MACC1: variants seen among roughly 807,000 people sequenced by gnomAD.
The protein encoded by MACC1 is MET transcriptional regulator MACC1.
A neutral mutation model predicts 70.7 loss-of-function variants in MACC1; 79 were observed. The ratio of observed to expected loss-of-function variants is 1.12; its 90% CI spans 0.93 to 1.35. The LOEUF (loss-of-function observed/expected upper bound fraction) is 1.35. MACC1 is among the 40% of genes most tolerant of loss of function. The probability of loss-of-function intolerance (pLI) is 0.00; values close to 1 mark genes in which losing one functional copy is unlikely to be tolerated. For missense variants in MACC1, 1,106 were observed against 978.1 expected, an observed-to-expected ratio of 1.13 and a Z score of -1.74; for synonymous variants, 361 against 347.2, an observed-to-expected ratio of 1.04 and a Z score of -0.44.
At chr7:20,178,296 CACT>C (rs1562593264) in intron 1 of MACC1, among the ~76,000 whole-genome samples, 50 of 42,666 alleles carry the variant, frequency 1.2e-3, no homozygotes, top group African/African-American at 9.9e-3. Context: ...CACACACACA[CACT>C]CCAGAGAATA....
At chr7:20,175,714 G>A (rs953760182) in intron 1 of MACC1, among the ~76,000 whole-genome samples, 3 of 152,004 alleles carry the variant, frequency 2.0e-5, no homozygotes, top group African/African-American at 7.2e-5. Flanking sequence ...CTTGAAAGCA[G>A]GCTTTTCTTC....
rs1323617568 is a variant in MACC1 at position 20,142,668 on chromosome 7, G to A, written c.2347-1510C>T. Reference sequence around the variant, plus strand: ...TTCTCAACAATGGAATATCAGTTGAGACATAGTAATGGAACCTTTTTTGTC... The same window carrying A: ...TTCTCAACAATGGAATATCAGTTGAAACATAGTAATGGAACCTTTTTTGTC... On this transcript the variant is annotated intron_variant, in intron 6 of 6. Transcript: ENST00000400331. Among the ~76,000 whole-genome samples the A allele has an allele frequency of 2.6e-5, 4 of 152,212 alleles. 1 individual carries two copies. Among genetic ancestry groups the A allele is most frequent in the South Asian group, 4.1e-4 (2 of 4,830 alleles).
chr7:20,185,809 C>G (rs952844490), intron 1 of MACC1, among the ~76,000 whole-genome samples: 10 of 152,184 alleles, frequency 6.6e-5, no homozygotes, highest in African/African-American at 2.2e-4. Flanking sequence ...TCCTCTAACC[C>G]TCACAGTAAT....
Position 20,148,624 on chromosome 7 carries a change from A to G in MACC1, c.2346+5569T>C, listed in dbSNP as rs75771069. On this transcript the variant is annotated intron_variant, in intron 6 of 6. Transcript: ENST00000400331. ...ATAATATAGAATTAAGTCAAAGATC[A>G]TAGGAATACAATGTGTTACCCCAGA... Among the ~76,000 whole-genome samples the G allele has an allele frequency of 6.1e-3, 925 of 152,330 alleles. 10 individuals carry two copies. The highest frequency in any genetic ancestry group is 0.021 in the African/African-American group (871 of 41,572).
chr7:20,146,012 T>C (rs933149879), intron 6 of MACC1, among the ~76,000 whole-genome samples: 6 of 151,780 alleles, frequency 4.0e-5, no homozygotes, highest in African/African-American at 1.5e-4. Flanking sequence ...AATACAAAAA[T>C]TAGTGAGGCG....
chr7:20,205,079 A>T (rs1359309210), intron 1 of MACC1, among the ~76,000 whole-genome samples: 3 of 149,296 alleles, frequency 2.0e-5, no homozygotes, highest in African/African-American at 7.8e-5. Context: ...GGATATTAAT[A>T]CAATTTTTTT....
Position 20,161,772 on chromosome 7 carries a change from G to A in MACC1, c.91C>T (p.Leu31Phe). Residue 31 changes from leucine (L) to phenylalanine (F), a missense_variant, in exon 4 of 7, where the codon CTC (leucine) becomes TTC (phenylalanine). Coordinates refer to ENST00000400331, the MANE Select transcript of MACC1 (RefSeq NM_182762.4). The stretch of plus-strand genomic sequence containing the variant: ...CCTGTAATATTGCAACTTTTTGAGA[G>A]TTTTCCAGCTTCCATGTCAATCAAA... ...ANLIDMEAGK[L>F]SKSCNITECQ... The A allele has an allele frequency of 6.2e-7, 1 of 1,611,226 alleles. No homozygotes were observed. The highest frequency in any genetic ancestry group is 1.7e-4 in the Middle Eastern group (1 of 6,046).
rs79691446 is a variant in MACC1 at position 20,185,793 on chromosome 7, A to G, written c.-217-15015T>C. Among the ~76,000 whole-genome samples the G allele has an allele frequency of 7.4e-3, 1,131 of 152,300 alleles. 28 individuals carry two copies. The highest frequency in any genetic ancestry group is 0.039 in the East Asian group (202 of 5,184). ...GCAGGCTTCTAAATGCATGGTATCTATTATCTCCTCTAACCCTCACAGTAA... is the reference window on the plus strand; with the variant it reads ...GCAGGCTTCTAAATGCATGGTATCTGTTATCTCCTCTAACCCTCACAGTAA... On this transcript the variant is annotated intron_variant, in intron 1 of 6. Coordinates refer to ENST00000400331, the MANE Select transcript of MACC1 (RefSeq NM_182762.4).
At chr7:20,142,995 T>C (rs1488163028) in intron 6 of MACC1, among the ~76,000 whole-genome samples, 1 of 152,236 alleles carries the variant, frequency 6.6e-6, no homozygotes, top group Non-Finnish European at 1.5e-5. Context: ...AAAAAGGGGA[T>C]GGCATAGTAG....
At chr7:20,208,905 C>T (rs747049809) in intron 1 of MACC1, among the ~76,000 whole-genome samples, 4 of 152,226 alleles carry the variant, frequency 2.6e-5, no homozygotes, top group Non-Finnish European at 5.9e-5. Flanking sequence ...AGCTGCTTCA[C>T]CTCCAGTCAT....
At chr7:20,203,982 T>A (rs1782871229) in intron 1 of MACC1, among the ~76,000 whole-genome samples, 1 of 152,222 alleles carries the variant, frequency 6.6e-6, no homozygotes, top group Non-Finnish European at 1.5e-5. Flanking sequence ...CCAGACATGT[T>A]TCCATTTGCA....
Position 20,175,478 on chromosome 7 carries a change from T to C in MACC1, c.-217-4700A>G, listed in dbSNP as rs867378173. Among the ~76,000 whole-genome samples the C allele has an allele frequency of 1.7e-3, 256 of 152,250 alleles. 3 individuals carry two copies. Among genetic ancestry groups the C allele is most frequent in the African/African-American group, 1.5e-3 (61 of 41,576 alleles). Reference sequence around the variant, plus strand: ...AACATAAAAAAACACTTATAGGTTATTTTCAAAGATATCTGCATCTAATAT... The same window carrying C: ...AACATAAAAAAACACTTATAGGTTACTTTCAAAGATATCTGCATCTAATAT... On this transcript the variant is annotated intron_variant, in intron 1 of 6. Transcript: ENST00000400331.
intron 6 of MACC1, 86 bp downstream of exon 6, chr7:20,154,107 T>A (rs1782020286): frequency 7.3e-7 from 1 of 1,376,890 alleles, no homozygotes; most frequent in African/African-American, 1.4e-5. Flanking sequence ...CCCCAGTGAA[T>A]CCGTGAATGT....
chr7:20,177,720 G>A (rs1304171652), intron 1 of MACC1, among the ~76,000 whole-genome samples: 1 of 88,218 alleles, frequency 1.1e-5, no homozygotes, highest in African/African-American at 5.1e-5. Flanking sequence ...AGCTGCCTTT[G>A]TTGTTTTTTT....
In MACC1 at chr7:20,191,805, C is replaced by G. The variant is rs1178493166; in HGVS notation, c.-217-21027G>C. ...TCTGTGCGGTATCAGAAACCTACAA[C>G]ACATAAAAGAAGAACACAGGACAGA... On this transcript the variant is annotated intron_variant, in intron 1 of 6. Coordinates refer to ENST00000400331, the MANE Select transcript of MACC1 (RefSeq NM_182762.4). Among the ~76,000 whole-genome samples, 4 of 152,168 alleles carry G rather than the reference C, an allele frequency of 2.6e-5. No individual in the cohort carries two copies. The East Asian group carries it at 7.7e-4, about 29-fold the overall frequency.
At chr7:20,186,145 G>C (rs1048880854) in intron 1 of MACC1, among the ~76,000 whole-genome samples, 16 of 152,146 alleles carry the variant, frequency 1.1e-4, no homozygotes, top group African/African-American at 3.9e-4. Context: ...CTAGCTTCTT[G>C]GCTGCACAAG....
At chr7:20,167,841 A>G (rs1179824633) in intron 2 of MACC1, among the ~76,000 whole-genome samples, 1 of 152,120 alleles carries the variant, frequency 6.6e-6, no homozygotes, top group African/African-American at 2.4e-5. Flanking sequence ...TGCTTGGTGT[A>G]ATGCTCTGCC....
intron 1 of MACC1, among the ~76,000 whole-genome samples, chr7:20,204,400 C>T (rs1402471142): frequency 6.6e-6 from 1 of 152,172 alleles, no homozygotes; most frequent in African/African-American, 2.4e-5. Flanking sequence ...ATGATCCACC[C>T]GCCTTGGCCT....
At chr7:20,207,035 T>TGCAATGA (rs1782923106) in intron 1 of MACC1, among the ~76,000 whole-genome samples, 1 of 152,254 alleles carries the variant, frequency 6.6e-6, no homozygotes, top group South Asian at 2.1e-4. Context: ...GTGATAAATC[T>TGCAATGA]GACCTGGTAA....
Sources: gnomAD v4.1 joint callset for allele counts (sites outside exome capture counted in the v4.1 genomes callset) on GRCh38, gnomAD v4.1.1 for gene constraint, MANE v1.5 for transcripts, NCBI Gene and HGNC (gene_info 2026-07-23, HGNC 2026-07-21) for gene names.